TESK2: variants seen among roughly 807,000 people sequenced by gnomAD.
The protein encoded by TESK2 is dual specificity testis-specific protein kinase 2.
Under a neutral mutation model 57.1 loss-of-function variants are expected in TESK2, and 39 were observed. The ratio of observed to expected loss-of-function variants is 0.68; its 90% confidence interval spans 0.53 to 0.89. The LOEUF (loss-of-function observed/expected upper bound fraction) is 0.89. TESK2 is among the 40% of genes least tolerant of loss of function. The pLI, the probability that TESK2 is intolerant of heterozygous loss-of-function variation, is 0.00. For synonymous variants in TESK2, 249 were observed against 267.9 expected, an observed-to-expected ratio of 0.93 and a Z score of 0.69; for missense variants, 646 against 732.1, an observed-to-expected ratio of 0.88 and a Z score of 1.36.
chr1:45,347,376 G>A (rs1264632944), intron 7 of TESK2, among the ~76,000 whole-genome samples: 1 of 152,150 alleles, frequency 6.6e-6, no homozygotes, highest in Non-Finnish European at 1.5e-5. Flanking sequence ...GACCAGCCTG[G>A]CCAATATGGT....
At chr1:45,425,882 T>C (rs923317452) in intron 2 of TESK2, among the ~76,000 whole-genome samples, 1 of 151,890 alleles carries the variant, frequency 6.6e-6, no homozygotes, top group Non-Finnish European at 1.5e-5. Context: ...CAGTAGCTTA[T>C]GCCTGTAATC....
intron 5 of TESK2, among the ~76,000 whole-genome samples, chr1:45,352,748 T>TGG (rs59242116): frequency 2.1e-4 from 32 of 151,936 alleles, no homozygotes; most frequent in African/African-American, 7.7e-4. Context: ...TGTGTGTGTG[T>TGG]GGGGGGAGTA....
At chr1:45,490,410 T>C (rs1383722881) in intron 1 of TESK2, among the ~76,000 whole-genome samples, 2 of 151,792 alleles carry the variant, frequency 1.3e-5, no homozygotes, top group Non-Finnish European at 2.9e-5. Flanking sequence ...GGGGAGGGAA[T>C]TGTTTTCCTG....
intron 8 of TESK2, 60 bp from the exon 9 acceptor site, chr1:45,346,839 C>T (rs1647150325): frequency 6.4e-7 from 1 of 1,563,866 alleles, no homozygotes; most frequent in Middle Eastern, 1.7e-4. Context: ...CCCATCCTAG[C>T]CTGCTCAGTA....
chr1:45,443,623 C>T (rs1306188164), intron 2 of TESK2, among the ~76,000 whole-genome samples: 2 of 142,638 alleles, frequency 1.4e-5, no homozygotes, highest in East Asian at 2.1e-4. Context: ...CATAAATCCA[C>T]ACTCTAATTG....
At chr1:45,372,714 A>G (rs1648243750) in intron 4 of TESK2, among the ~76,000 whole-genome samples, 6 of 151,588 alleles carry the variant, frequency 4.0e-5, no homozygotes, top group Non-Finnish European at 8.8e-5. Context: ...TCTGGGCAAC[A>G]GAGCAAGACT....
rs1651521876 is a variant in TESK2 at position 45,443,420 on chromosome 1, A to G, written c.222+14144T>C. On this transcript the variant is annotated intron_variant, in intron 2 of 10. Coordinates refer to ENST00000372086, the MANE Select transcript of TESK2 (RefSeq NM_007170.3). ...TCTCTACTAAAAAATACAAAAAAAA[A>G]ATTAGCCGAACATGTGGTGCATGCC... Among the ~76,000 whole-genome samples the G allele has an allele frequency of 2.8e-5, 3 of 107,064 alleles. No homozygotes were observed. The South Asian group carries it at 8.3e-4, about 30-fold the overall frequency. 70.2% of individuals were successfully genotyped at this position (107,064 alleles called of 152,430 possible).
intron 2 of TESK2, among the ~76,000 whole-genome samples, chr1:45,448,980 G>C (rs1037582635): frequency 6.6e-6 from 1 of 151,980 alleles, no homozygotes; most frequent in Non-Finnish European, 1.5e-5. Flanking sequence ...ATCCTAGCAC[G>C]GTGGAAGGCT....
At chr1:45,473,079 G>A (rs1031721715) in intron 1 of TESK2, among the ~76,000 whole-genome samples, 7 of 151,426 alleles carry the variant, frequency 4.6e-5, no homozygotes, top group African/African-American at 7.3e-5. Context: ...GTGTGAACCC[G>A]GGAGGCAGAG....
At chr1:45,401,865 GC>G (rs1234061760) in intron 3 of TESK2, among the ~76,000 whole-genome samples, 1 of 152,094 alleles carries the variant, frequency 6.6e-6, no homozygotes, top group Non-Finnish European at 1.5e-5. Context: ...AAGCTTTTCT[GC>G]TGCCAACGTT....
intron 4 of TESK2, among the ~76,000 whole-genome samples, chr1:45,384,558 T>TA (rs1215249039): frequency 1.3e-5 from 2 of 148,786 alleles, no homozygotes; most frequent in African/African-American, 4.9e-5. Flanking sequence ...TAAATAGGAC[T>TA]ACAGGTACAT....
chr1:45,465,931 A>G (rs1000842696), intron 1 of TESK2, among the ~76,000 whole-genome samples: 1 of 152,246 alleles, frequency 6.6e-6, no homozygotes, highest in Admixed American at 6.5e-5. Context: ...AGTTGTAGTT[A>G]GCGATATTAT....
chr1:45,443,311 T>C (rs978039213), intron 2 of TESK2, among the ~76,000 whole-genome samples: 2 of 151,952 alleles, frequency 1.3e-5, no homozygotes, highest in African/African-American at 4.8e-5. Context: ...ATGCCTGTAA[T>C]CCCAACACTT....
intron 2 of TESK2, 50 bp from the exon 3 acceptor site, chr1:45,421,896 T>G: frequency 6.3e-7 from 1 of 1,597,968 alleles, no homozygotes. Flanking sequence ...AATAGTTATA[T>G]GTGAGGTCAA....
At chr1:45,410,022 G>T (rs906213477) in intron 3 of TESK2, among the ~76,000 whole-genome samples, 1 of 151,916 alleles carries the variant, frequency 6.6e-6, no homozygotes, top group Non-Finnish European at 1.5e-5. Context: ...AAAATTAGCT[G>T]GGTGTGGTGA....
intron 1 of TESK2, among the ~76,000 whole-genome samples, chr1:45,462,476 G>C (rs923104500): frequency 6.6e-6 from 1 of 152,054 alleles, no homozygotes; most frequent in Non-Finnish European, 1.5e-5. Flanking sequence ...GTTTCACCGT[G>C]TTAGCCAGGA....
intron 5 of TESK2, among the ~76,000 whole-genome samples, chr1:45,352,765 TA>T (rs1446265915): frequency 2.0e-5 from 3 of 152,182 alleles, no homozygotes; most frequent in African/African-American, 7.2e-5. Flanking sequence ...AGTATCTGTG[TA>T]ACTGATACAT....
intron 2 of TESK2, among the ~76,000 whole-genome samples, chr1:45,429,383 G>A (rs759803606): frequency 2.2e-4 from 33 of 151,816 alleles, no homozygotes; most frequent in Non-Finnish European, 3.4e-4. Context: ...GTGACAGAGC[G>A]CAACTCCATC....
intron 3 of TESK2, chr1:45,415,218 T>G: frequency 6.7e-7 from 1 of 1,487,526 alleles, no homozygotes; most frequent in Non-Finnish European, 9.3e-7. Flanking sequence ...TCCGGTTGGA[T>G]GGCAAGCATG....
Sources: allele counts gnomAD v4.1 joint callset (sites outside exome capture counted in the v4.1 genomes callset), GRCh38; gene constraint gnomAD v4.1.1; transcripts MANE v1.5; gene names NCBI Gene and HGNC (gene_info 2026-07-23, HGNC 2026-07-21).